Variants in MYO16 observed in about 807,000 individuals in gnomAD.
The protein encoded by MYO16 is unconventional myosin-XVI.
Under a neutral mutation model 205.3 loss-of-function variants are expected in MYO16, and 94 were observed. The observed-to-expected ratio is 0.46, with a 90% CI of 0.39 to 0.54. The LOEUF (loss-of-function observed/expected upper bound fraction) is 0.54, where lower values mean the gene tolerates loss of function less well. MYO16 is among the 20% of genes least tolerant of loss of function. MYO16 has a pLI of 0.00. For synonymous variants in MYO16, 988 were observed against 954.0 expected, an observed-to-expected ratio of 1.04 and a Z score of -0.66; for missense variants, 2,315 against 2,387.5, an observed-to-expected ratio of 0.97 and a Z score of 0.63.
intron 4 of MYO16, among the ~76,000 whole-genome samples, chr13:108,772,856 G>T (rs755608666): frequency 2.6e-5 from 4 of 152,068 alleles, no homozygotes; most frequent in African/African-American, 4.8e-5. Context: ...AGGAGAGAGA[G>T]CATGAACAAA....
At chr13:108,582,539 G>A in the MYO16 span, among the ~76,000 whole-genome samples, 1 of 152,148 alleles carries the variant, frequency 6.6e-6, no homozygotes, top group African/African-American at 2.4e-5. Flanking sequence ...CAGAGTATTC[G>A]AATTCATAGT....
At chr13:108,534,282 C>G in the MYO16 span, among the ~76,000 whole-genome samples, 271 of 152,274 alleles carry the variant, frequency 1.8e-3, 3 homozygotes, top group African/African-American at 6.1e-3. Flanking sequence ...CCTTGGACCA[C>G]CATTTCTACA....
rs190854206 is a variant in MYO16, at chr13:108,750,821, A to T, written c.507+23238A>T. Among the ~76,000 whole-genome samples, 5 of 151,862 alleles carry T rather than the reference A, an allele frequency of 3.3e-5. No individual in the cohort carries two copies. In the South Asian group the frequency reaches 6.3e-4, roughly 19 times the overall value. On this transcript the variant is annotated intron_variant, in intron 4 of 34. Coordinates refer to ENST00000457511, the MANE Select transcript of MYO16 (RefSeq NM_001198950.3). Reference sequence around the variant, plus strand: ...GACTCCATCTCAAACAACAAAAAAAATTCTGATACTGCCACACATGTACAC... The same window carrying T: ...GACTCCATCTCAAACAACAAAAAAATTTCTGATACTGCCACACATGTACAC...
At chr13:108,930,322 T>A (rs920956963) in intron 16 of MYO16, among the ~76,000 whole-genome samples, 1 of 152,140 alleles carries the variant, frequency 6.6e-6, no homozygotes, top group Non-Finnish European at 1.5e-5. Flanking sequence ...ATTATCAATT[T>A]TTTAATTAAA....
chr13:108,922,256 A>G (rs1370786479), intron 16 of MYO16, among the ~76,000 whole-genome samples: 1 of 152,068 alleles, frequency 6.6e-6, no homozygotes, highest in African/African-American at 2.4e-5. Context: ...CAAGGAGAGG[A>G]AAGAGGAGGA....
chr13:109,052,352 A>C lies in MYO16; in HGVS notation c.2925A>C (p.Thr975=), dbSNP rs905249030. The C allele has an allele frequency of 6.2e-7, 1 of 1,613,366 alleles. No homozygotes were observed. The highest frequency in any genetic ancestry group is 1.3e-5 in the African/African-American group (1 of 75,028). ...TGTTCCAGTCGAAATTGTCACAAAC[A>C]GGATCCCTCGTATCTGCCTATCCTT... ...NHLFQSKLSQ[T]GSLVSAYPSF... Residue 975 remains threonine (T), a synonymous_variant, in exon 25 of 35, where the codon ACA becomes ACC. Transcript: ENST00000457511.
In MYO16 at chr13:108,709,875, T is replaced by C. The variant is rs957794171; in HGVS notation, c.293-2786T>C. On this transcript the variant is annotated intron_variant, in intron 2 of 34. Coordinates refer to ENST00000457511, the MANE Select transcript of MYO16 (RefSeq NM_001198950.3). ...GGCAAGCCAGTTAATATCGAGTCTG[T>C]GGTTCTAATATGGTTCCATCTTGAT... is the stretch of plus-strand genomic sequence containing the variant. Among the ~76,000 whole-genome samples the C allele has an allele frequency of 5.8e-4, 78 of 134,470 alleles. 18 individuals are homozygous for C. The highest frequency in any genetic ancestry group is 2.0e-3 in the African/African-American group (74 of 36,136). 88.2% of individuals were successfully genotyped at this position (134,470 alleles called of 152,430 possible).
chr13:109,087,727 A>G (rs1201587166), intron 27 of MYO16, among the ~76,000 whole-genome samples: 7 of 152,204 alleles, frequency 4.6e-5, no homozygotes, highest in Non-Finnish European at 8.8e-5. Context: ...GGAGAAAAAC[A>G]CTGGAATAAC....
At chr13:108,915,848 T>G (rs1329242592) in intron 16 of MYO16, among the ~76,000 whole-genome samples, 2 of 152,168 alleles carry the variant, frequency 1.3e-5, no homozygotes, top group Non-Finnish European at 2.9e-5. Flanking sequence ...GTGACCTGTT[T>G]CTAACCCATG....
At chr13:108,921,500 C>T (rs967038927) in intron 16 of MYO16, among the ~76,000 whole-genome samples, 2 of 152,218 alleles carry the variant, frequency 1.3e-5, no homozygotes, top group African/African-American at 4.8e-5. Flanking sequence ...ATATAGTATA[C>T]ATGTGGCACA....
chr13:108,791,532 G>A (rs1408220250), intron 5 of MYO16, among the ~76,000 whole-genome samples: 4 of 152,192 alleles, frequency 2.6e-5, no homozygotes, highest in Non-Finnish European at 4.4e-5. Context: ...TTTTGCAGTT[G>A]AAGAAACAGA....
At chr13:108,658,931 T>A (rs963374800) in intron 1 of MYO16, among the ~76,000 whole-genome samples, 19 of 152,270 alleles carry the variant, frequency 1.2e-4, no homozygotes, top group African/African-American at 3.1e-4. Flanking sequence ...ATGTTTTGCC[T>A]CTTTAGCAAT....
chr13:108,872,732 ACAC>A (rs1232590392), intron 12 of MYO16, among the ~76,000 whole-genome samples: 3 of 151,976 alleles, frequency 2.0e-5, no homozygotes, highest in Non-Finnish European at 4.4e-5. Context: ...ATACACACAC[ACAC>A]CACCTTTTAT....
At chr13:108,606,289 C>G (rs1376527653) in intron 1 of MYO16, among the ~76,000 whole-genome samples, 2 of 152,064 alleles carry the variant, frequency 1.3e-5, no homozygotes, top group African/African-American at 4.8e-5. Flanking sequence ...AATTTGTCTC[C>G]AAGGCATGTC....
the MYO16 span, among the ~76,000 whole-genome samples, chr13:108,541,151 C>T: frequency 6.6e-6 from 1 of 151,790 alleles, no homozygotes; most frequent in African/African-American, 2.4e-5. Context: ...CCTGGATGAC[C>T]CCTTAATATT....
At chr13:108,538,866 A>G in the MYO16 span, among the ~76,000 whole-genome samples, 4 of 152,238 alleles carry the variant, frequency 2.6e-5, no homozygotes, top group Admixed American at 2.0e-4. Flanking sequence ...GCAAACTTGG[A>G]TCTGGCCACT....
In MYO16 at chr13:109,140,981, C is replaced by T. The variant is rs200595201; in HGVS notation, c.4769C>T (p.Ser1590Phe). The T allele has an allele frequency of 7.2e-6, 10 of 1,397,832 alleles. No individual in the cohort carries two copies. The highest frequency in any genetic ancestry group is 7.5e-6 in the Non-Finnish European group (8 of 1,072,508). 86.6% of individuals were successfully genotyped at this position (1,397,832 alleles called of 1,614,324 possible). A position where few individuals can be genotyped will look rare whatever the true frequency, so the allele number is the denominator to read the frequency against. The change falls in exon 32 of 35, where the codon TCC becomes TTC. Residue 1590 changes from serine (S) to phenylalanine (F), a missense_variant. Transcript: ENST00000457511. The surrounding 1 kb of genome is among the most constrained non-coding windows in gnomAD (Gnocchi z 8.0). ...CTGTTCAACGGGTCCGGCCGAGCCT[C>T]CCCGCCGTCCACGCCGCCCCCGCCC... Reference protein sequence around the residue: ...LALFNGSGRASPPSTPPPPPP... With the variant: ...LALFNGSGRAFPPSTPPPPPP...
chr13:108,845,412 G>T (rs576759796), intron 10 of MYO16, among the ~76,000 whole-genome samples: 2 of 152,248 alleles, frequency 1.3e-5, no homozygotes, highest in South Asian at 2.1e-4. Context: ...CAAGGTCAAG[G>T]TGCAGGTTGA....
intron 3 of MYO16, among the ~76,000 whole-genome samples, chr13:108,714,199 G>A (rs1883839232): frequency 6.6e-6 from 1 of 152,090 alleles, no homozygotes; most frequent in African/African-American, 2.4e-5. Context: ...GGGACTACAG[G>A]CACCCGCCAT....
Sources: allele counts gnomAD v4.1 joint callset (sites outside exome capture counted in the v4.1 genomes callset), GRCh38; gene constraint gnomAD v4.1.1; non-coding constraint Gnocchi (gnomAD v3.1); transcripts MANE v1.5; gene names NCBI Gene and HGNC (gene_info 2026-07-23, HGNC 2026-07-21).